PARD3B: variants seen among roughly 807,000 people sequenced by gnomAD.
PARD3B encodes the protein par-3 family cell polarity regulator beta, also known as partitioning defective 3 homolog B.
Under a neutral mutation model 130.2 loss-of-function variants are expected in PARD3B, and 103 were observed. That is an observed-to-expected ratio of 0.79 (90% CI 0.67 to 0.93). The LOEUF (loss-of-function observed/expected upper bound fraction) is 0.93. PARD3B is among the 40% of genes least tolerant of loss of function. The pLI, the probability that PARD3B is intolerant of heterozygous loss-of-function variation, is 0.00. For missense variants in PARD3B, 1,609 were observed against 1,499.2 expected, an observed-to-expected ratio of 1.07 and a Z score of -1.21; for synonymous variants, 583 against 553.2, an observed-to-expected ratio of 1.05 and a Z score of -0.76.
At chr2:204,775,656 C>T (rs2125441371) in intron 2 of PARD3B, among the ~76,000 whole-genome samples, 1 of 152,250 alleles carries the variant, frequency 6.6e-6, no homozygotes, top group South Asian at 2.1e-4. Context: ...CCTTCTGAGT[C>T]TACTAAAGCA....
At chr2:204,656,272 T>TTTATTATTA (rs1361965379) in intron 1 of PARD3B, among the ~76,000 whole-genome samples, 1 of 152,114 alleles carries the variant, frequency 6.6e-6, no homozygotes, top group Admixed American at 6.5e-5. Flanking sequence ...CGATCTACGA[T>TTTATTATTA]TGCACCTTTA....
intron 2 of PARD3B, among the ~76,000 whole-genome samples, chr2:204,752,351 A>G (rs1179816991): frequency 6.6e-6 from 1 of 152,184 alleles, no homozygotes; most frequent in Non-Finnish European, 1.5e-5. Flanking sequence ...TACTTGGTAA[A>G]GTGCCACATA....
At chr2:205,157,601 T>G (rs1036013528) in intron 10 of PARD3B, among the ~76,000 whole-genome samples, 2 of 152,202 alleles carry the variant, frequency 1.3e-5, no homozygotes, top group Non-Finnish European at 2.9e-5. Flanking sequence ...TAGTTATATG[T>G]GACTGACATT....
chr2:204,915,495 A>G (rs957478069), intron 2 of PARD3B, among the ~76,000 whole-genome samples: 7 of 152,130 alleles, frequency 4.6e-5, no homozygotes, highest in African/African-American at 1.7e-4. Flanking sequence ...TTGCCATATA[A>G]ATTTAGTTTT....
At chr2:204,649,891 G>A (rs1574618515) in intron 1 of PARD3B, among the ~76,000 whole-genome samples, 2 of 152,064 alleles carry the variant, frequency 1.3e-5, no homozygotes, top group Admixed American at 1.3e-4. Context: ...AGGCAATTCC[G>A]ATTAAAGCAA....
Position 205,281,908 on chromosome 2 carries a change from A to G in PARD3B, c.2186-18622A>G, listed in dbSNP as rs1402789232. Among the ~76,000 whole-genome samples the G allele has an allele frequency of 1.3e-5, 2 of 152,212 alleles. No individual in the cohort carries two copies. The highest frequency in any genetic ancestry group is 2.9e-5 in the Non-Finnish European group (2 of 68,032). Reference sequence around the variant, plus strand: ...AGGAAGACAAAAAGAAACTAATTCTACTTGTGTGTCTTCCTGGTTTTAACT... The same window carrying G: ...AGGAAGACAAAAAGAAACTAATTCTGCTTGTGTGTCTTCCTGGTTTTAACT... On this transcript the variant is annotated intron_variant, in intron 16 of 22. Coordinates refer to ENST00000406610, the MANE Select transcript of PARD3B (RefSeq NM_001302769.2). The surrounding 1 kb of genome is among the most constrained non-coding windows in gnomAD (Gnocchi z 4.2).
At chr2:205,141,497 A>G (rs1377856595) in intron 10 of PARD3B, among the ~76,000 whole-genome samples, 1 of 152,212 alleles carries the variant, frequency 6.6e-6, no homozygotes, top group Admixed American at 6.5e-5. Flanking sequence ...ACCAGCTGTC[A>G]TAATAAAGTA....
intron 10 of PARD3B, among the ~76,000 whole-genome samples, chr2:205,135,702 CATT>C (rs2032422996): frequency 6.6e-6 from 1 of 151,888 alleles, no homozygotes. Context: ...AATATGTTCT[CATT>C]ATTTTTAATG....
intron 2 of PARD3B, among the ~76,000 whole-genome samples, chr2:204,904,509 T>A (rs1175710962): frequency 1.3e-5 from 2 of 152,182 alleles, no homozygotes; most frequent in Non-Finnish European, 2.9e-5. Context: ...TACCCTTCTA[T>A]TTTATACCCC....
At chr2:204,553,683 T>TAC (rs2030692447) in intron 1 of PARD3B, among the ~76,000 whole-genome samples, 1 of 58,454 alleles carries the variant, frequency 1.7e-5, no homozygotes, top group African/African-American at 5.4e-5. Context: ...TATATATATA[T>TAC]ATATATATAT....
intron 2 of PARD3B, among the ~76,000 whole-genome samples, chr2:204,930,051 C>A (rs1398695696): frequency 6.6e-6 from 1 of 151,870 alleles, no homozygotes; most frequent in Non-Finnish European, 1.5e-5. Context: ...AATTCTGTAT[C>A]TTCTTGATTC....
chr2:204,991,136 T>A (rs1693640825), intron 3 of PARD3B, among the ~76,000 whole-genome samples: 1 of 152,138 alleles, frequency 6.6e-6, no homozygotes, highest in Non-Finnish European at 1.5e-5. Flanking sequence ...GCAGGTTAGT[T>A]ACATATGTAT....
intron 2 of PARD3B, among the ~76,000 whole-genome samples, chr2:204,716,127 A>G (rs1190505972): frequency 3.3e-5 from 5 of 152,236 alleles, no homozygotes; most frequent in Admixed American, 6.5e-5. Flanking sequence ...TTAGAAGTTC[A>G]ATAAATGCTT....
intron 3 of PARD3B, among the ~76,000 whole-genome samples, chr2:204,979,323 A>G (rs921650304): frequency 2.6e-5 from 4 of 152,176 alleles, no homozygotes; most frequent in African/African-American, 7.2e-5. Context: ...AAGGCGGGCA[A>G]CCAGCCTGTC....
In PARD3B at chr2:205,104,490, C is replaced by G; in HGVS notation, c.569C>G (p.Ser190Trp). Residue 190 changes from serine (S) to tryptophan (W), a missense_variant, in exon 5 of 23, where the codon TCG becomes TGG. Ser to Trp is a radical substitution (Grantham distance 177). Transcript: ENST00000406610. The stretch of plus-strand genomic sequence containing the variant: ...GGTGTACAGACAGAACTACTAACTT[C>G]GCCAAGAACTAAGGACACATTGAGG... ...LNGVQTELLT[S>W]PRTKDTLSDM... 1 of 1,582,892 alleles carries G rather than the reference C, an allele frequency of 6.3e-7. No individual in the cohort carries two copies.
At chr2:205,025,035 A>G (rs573302328) in intron 3 of PARD3B, among the ~76,000 whole-genome samples, 1 of 152,294 alleles carries the variant, frequency 6.6e-6, no homozygotes, top group Admixed American at 6.5e-5. Flanking sequence ...GAAAGATTAA[A>G]TGCATTCAGT....
chr2:204,657,956 C>T (rs1464989912), intron 1 of PARD3B, among the ~76,000 whole-genome samples: 1 of 151,984 alleles, frequency 6.6e-6, no homozygotes, highest in East Asian at 1.9e-4. Flanking sequence ...TATGGGTGTT[C>T]AAGTATTTAC....
intron 3 of PARD3B, among the ~76,000 whole-genome samples, chr2:204,988,082 AG>A (rs1042991566): frequency 1.3e-5 from 2 of 152,114 alleles, no homozygotes; most frequent in African/African-American, 2.4e-5. Flanking sequence ...GAGGGCATGA[AG>A]GGGGTCCTTG....
In PARD3B at chr2:205,300,733, G is replaced by A. The variant is rs1222420210; in HGVS notation, c.2389G>A (p.Ala797Thr). 2 of 1,608,582 alleles carry A rather than the reference G, an allele frequency of 1.2e-6. No individual in the cohort carries two copies. Among genetic ancestry groups the A allele is most frequent in the Non-Finnish European group, 1.7e-6 (2 of 1,175,568 alleles). Reference sequence around the variant, plus strand: ...CTACGATGGACCTGAAGAAATAGAAGCTGGTAGGATGATATGCTTCCTTAA... The same window carrying A: ...CTACGATGGACCTGAAGAAATAGAAACTGGTAGGATGATATGCTTCCTTAA... The part of the protein sequence containing the change: ...KSYDGPEEIE[A>T]DGLSDKSSHS... Residue 797 changes from alanine (A) to threonine (T), a missense_variant, in exon 17 of 23, where the codon GCT becomes ACT. Coordinates refer to ENST00000406610, the MANE Select transcript of PARD3B (RefSeq NM_001302769.2). This position sits in a 1 kb window ranked among gnomAD's most constrained non-coding sequence, Gnocchi z 4.1.
Sources: allele counts gnomAD v4.1 joint callset (sites outside exome capture counted in the v4.1 genomes callset), GRCh38; gene constraint gnomAD v4.1.1; non-coding constraint Gnocchi (gnomAD v3.1); transcripts MANE v1.5; gene names NCBI Gene and HGNC (gene_info 2026-07-23, HGNC 2026-07-21).